Variants in NPHP4 observed in about 807,000 individuals in gnomAD.
NPHP4 encodes nephrocystin 4, also known as nephrocystin-4.
In NPHP4, 151 loss-of-function variants were observed where a neutral mutation model predicts 155.8. The ratio of observed to expected loss-of-function variants is 0.97; its 90% CI spans 0.85 to 1.11. The LOEUF (loss-of-function observed/expected upper bound fraction) is 1.11, where lower values mean the gene tolerates loss of function less well. Ranked by LOEUF, NPHP4 falls within the 50% of genes least tolerant of loss-of-function variation. NPHP4 has a pLI of 0.00. For missense variants in NPHP4, 1,956 were observed against 1,925.7 expected (o/e 1.02, Z -0.29); for synonymous variants, 845 against 816.8 (o/e 1.03, Z -0.59).
intron 17 of NPHP4, among the ~76,000 whole-genome samples, chr1:5,887,746 G>A (rs965974493): frequency 2.6e-5 from 4 of 152,238 alleles, no homozygotes; most frequent in Non-Finnish European, 5.9e-5. Flanking sequence ...TGGGCCCTGG[G>A]AAGGCATAAG....
chr1:5,961,551 CCCAA>C (rs1235399510), intron 6 of NPHP4, among the ~76,000 whole-genome samples: 1 of 152,178 alleles, frequency 6.6e-6, no homozygotes, highest in Non-Finnish European at 1.5e-5. Flanking sequence ...AAAGCATTTT[CCCAA>C]CCAAAGCAGC....
Position 5,867,982 on chromosome 1 carries a change from C to T in NPHP4, c.3316-86G>A, listed in dbSNP as rs1168652052. The stretch of plus-strand genomic sequence containing the variant: ...CCTCCTTAGACAGCACACGTATCTC[C>T]ACTGTTGCCAAGACCCCCTCACCCT... On this transcript the variant is annotated intron_variant, in intron 23 of 29. Transcript: ENST00000378156. This position sits in a 1 kb window ranked among gnomAD's most constrained non-coding sequence, Gnocchi z 4.1. 2.1e-6 allele frequency: 3 copies of T among 1,439,520 alleles called. No individual in the cohort carries two copies. Among genetic ancestry groups the T allele is most frequent in the Non-Finnish European group, 2.9e-6 (3 of 1,025,506 alleles). The allele number at this position is 1,439,520 out of a possible 1,614,324, so 89.2% of individuals were successfully genotyped here. A position where few individuals can be genotyped will look rare whatever the true frequency, so the allele number is the denominator to read the frequency against.
chr1:5,875,398 C>T (rs993660250), intron 20 of NPHP4, among the ~76,000 whole-genome samples: 4 of 152,214 alleles, frequency 2.6e-5, no homozygotes, highest in Admixed American at 6.5e-5. Context: ...GCCCCCCGCA[C>T]GGTGGAGAAT....
intron 3 of NPHP4, among the ~76,000 whole-genome samples, chr1:5,977,867 G>A (rs1233854263): frequency 8.8e-6 from 1 of 113,914 alleles, no homozygotes. Flanking sequence ...GGAAGGGGAC[G>A]GTGAAAGGGA....
chr1:5,989,672 G>A (rs184476901), intron 1 of NPHP4, among the ~76,000 whole-genome samples: 17 of 152,350 alleles, frequency 1.1e-4, no homozygotes, highest in Admixed American at 8.5e-4. Context: ...AATGCAGGCC[G>A]TGATGGCCCC....
At chr1:5,978,946 G>C (rs1654183838) in intron 2 of NPHP4, among the ~76,000 whole-genome samples, 1 of 152,196 alleles carries the variant, frequency 6.6e-6, no homozygotes, top group African/African-American at 2.4e-5. Context: ...CCAGATTTTG[G>C]GGTGACATTG....
At chr1:5,878,896 C>G (rs1465331362) in intron 19 of NPHP4, among the ~76,000 whole-genome samples, 1 of 152,200 alleles carries the variant, frequency 6.6e-6, no homozygotes, top group African/African-American at 2.4e-5. Flanking sequence ...GGGCACTGAC[C>G]CCAGGGCAGG....
chr1:5,968,473 A>G (rs1477327808), intron 4 of NPHP4, among the ~76,000 whole-genome samples: 2 of 152,134 alleles, frequency 1.3e-5, no homozygotes, highest in Non-Finnish European at 2.9e-5. Flanking sequence ...ATGGTGGCAC[A>G]GACCTGTAAT....
Position 5,983,969 on chromosome 1 carries a change from CTT to C in NPHP4, c.135+2184_135+2185del, listed in dbSNP as rs202145027. 5.8e-3 allele frequency among the ~76,000 whole-genome samples: 881 copies of C among 152,170 alleles called. 7 individuals are homozygous for C. The highest frequency in any genetic ancestry group is 8.5e-3 in the Non-Finnish European group (579 of 68,006). ...CAACATGTAATTGGGTTTTAAATAA[CTT>C]TTAACATACGACTTTGGATCAGGAA... On this transcript the variant is annotated intron_variant, in intron 2 of 29. Transcript: ENST00000378156.
intron 1 of NPHP4, chr1:5,991,539 G>A (rs1656290701): frequency 6.6e-6 from 1 of 152,294 alleles, no homozygotes; most frequent in African/African-American, 2.4e-5. Flanking sequence ...TTAGACACGA[G>A]GAATCTCGGG....
At chr1:5,891,231 G>C (rs181482155) in intron 16 of NPHP4, among the ~76,000 whole-genome samples, 1 of 152,088 alleles carries the variant, frequency 6.6e-6, no homozygotes, top group Non-Finnish European at 1.5e-5. Flanking sequence ...CATTTCTTTC[G>C]CATAGAAACA....
At chr1:5,880,752 A>G (rs577758079) in intron 18 of NPHP4, 10 of 164,462 alleles carry the variant, frequency 6.1e-5, no homozygotes, top group Non-Finnish European at 1.1e-4. Context: ...CCTCGGGACA[A>G]GCGTGTCTCA....
chr1:5,935,331 C>CA lies in NPHP4; in HGVS notation c.1120-2003dup, dbSNP rs552340508. On this transcript the variant is annotated intron_variant, in intron 9 of 29. Transcript: ENST00000378156. Reference sequence around the variant, plus strand: ...GTTACTGCCACATTCACGCCCCCGTCACAGGGTGAGCGGGGATTTGGGTGG... The same window carrying CA: ...GTTACTGCCACATTCACGCCCCCGTCAACAGGGTGAGCGGGGATTTGGGTGG... Among the ~76,000 whole-genome samples, 371 of 152,310 alleles carry CA rather than the reference C, an allele frequency of 2.4e-3. 2 individuals carry two copies. The highest frequency in any genetic ancestry group is 4.0e-3 in the Non-Finnish European group (269 of 68,026).
At chr1:5,939,610 A>C (rs1480601432) in intron 9 of NPHP4, among the ~76,000 whole-genome samples, 5 of 152,202 alleles carry the variant, frequency 3.3e-5, no homozygotes, top group African/African-American at 4.8e-5. Flanking sequence ...GAGCCAATGA[A>C]CACTGGGGTC....
At chr1:5,957,360 T>A (rs201728781) in intron 6 of NPHP4, among the ~76,000 whole-genome samples, 11 of 152,180 alleles carry the variant, frequency 7.2e-5, no homozygotes, top group African/African-American at 2.7e-4. Context: ...GAGATTCCCC[T>A]AGGCCCTAAC....
chr1:5,944,276 C>T lies in NPHP4; in HGVS notation c.1119+2828G>A, dbSNP rs1646971667. Among the ~76,000 whole-genome samples, 1 of 152,202 alleles carries T rather than the reference C, an allele frequency of 6.6e-6. No homozygotes were observed. Among genetic ancestry groups the T allele is most frequent in the African/African-American group, 2.4e-5 (1 of 41,446 alleles). On this transcript the variant is annotated intron_variant, in intron 9 of 29. Coordinates refer to ENST00000378156, the MANE Select transcript of NPHP4 (RefSeq NM_015102.5). This position sits in a 1 kb window ranked among gnomAD's most constrained non-coding sequence, Gnocchi z 4.3. ...ACCAAAGACAAGGAGGAGGACGCTG[C>T]AGCCGGAAGGCACAACCACACCCAG... is the stretch of plus-strand genomic sequence containing the variant.
At chr1:5,899,697 C>T (rs191623109) in intron 16 of NPHP4, among the ~76,000 whole-genome samples, 87 of 152,262 alleles carry the variant, frequency 5.7e-4, no homozygotes, top group African/African-American at 2.0e-3. Flanking sequence ...TAGGTGACCT[C>T]AGAGATGGCT....
chr1:5,940,482 C>T (rs1646764192), intron 9 of NPHP4, among the ~76,000 whole-genome samples: 1 of 152,128 alleles, frequency 6.6e-6, no homozygotes, highest in Non-Finnish European at 1.5e-5. Context: ...AAAGGGGACA[C>T]AAATCTCCCC....
chr1:5,949,134 T>C (rs905733437), intron 7 of NPHP4, among the ~76,000 whole-genome samples: 2 of 152,132 alleles, frequency 1.3e-5, no homozygotes, highest in African/African-American at 4.8e-5. Flanking sequence ...TATGGGACTG[T>C]ATAAAATTCA....
Sources: allele counts gnomAD v4.1 joint callset (sites outside exome capture counted in the v4.1 genomes callset), GRCh38; gene constraint gnomAD v4.1.1; non-coding constraint Gnocchi (gnomAD v3.1); transcripts MANE v1.5; gene names NCBI Gene and HGNC (gene_info 2026-07-23, HGNC 2026-07-21).